AGAP1: variants seen among roughly 807,000 people sequenced by gnomAD.
AGAP1 encodes arf-GAP with GTPase, ANK repeat and PH domain-containing protein 1.
Under a neutral mutation model 105.3 loss-of-function variants are expected in AGAP1, and 29 were observed. The observed-to-expected ratio is 0.28, with a 90% CI of 0.21 to 0.38. The LOEUF (loss-of-function observed/expected upper bound fraction) is 0.38, where lower values mean the gene tolerates loss of function less well. AGAP1 is among the 10% of genes least tolerant of loss of function. The pLI is 1.00. For missense variants in AGAP1, 998 were observed against 1,165.1 expected (o/e 0.86, Z 2.09); for synonymous variants, 509 against 485.9 (o/e 1.05, Z -0.63).
In AGAP1 at chr2:235,714,645, G is replaced by A. The variant is rs147274467; in HGVS notation, c.223-2912G>A. Among the ~76,000 whole-genome samples, 558 of 152,026 alleles carry A rather than the reference G, an allele frequency of 3.7e-3. 2 individuals are homozygous for A. Among genetic ancestry groups the A allele is most frequent in the African/African-American group, 0.013 (536 of 41,466 alleles). On this transcript the variant is annotated intron_variant, in intron 2 of 17. Transcript: ENST00000304032. The surrounding 1 kb of genome is among the most constrained non-coding windows in gnomAD (Gnocchi z 4.1). ...ACTCTGGCTGATGAGTAGAGAGTGG[G>A]AGCGGCCAGGACTGGGTGACAGAGA...
chr2:236,041,802 G>T (rs2057556493), intron 15 of AGAP1, among the ~76,000 whole-genome samples: 1 of 152,216 alleles, frequency 6.6e-6, no homozygotes, highest in South Asian at 2.1e-4. Flanking sequence ...CCAACCTGCT[G>T]ACCATGGAGC....
rs908553658 is a variant in AGAP1, at chr2:235,793,223, G to A, written c.674-4536G>A. 3.3e-5 allele frequency among the ~76,000 whole-genome samples: 5 copies of A among 152,178 alleles called. No individual in the cohort carries two copies. The highest frequency in any genetic ancestry group is 5.9e-5 in the Non-Finnish European group (4 of 68,042). On this transcript the variant is annotated intron_variant, in intron 6 of 17. Transcript: ENST00000304032. This position sits in a 1 kb window ranked among gnomAD's most constrained non-coding sequence, Gnocchi z 5.3. ...TGCAGAGAGCAGGAGAGGCAGAGTC[G>A]AGCAGCATCCCCGGGCTTTCCAGAA...
rs1257275294 is a variant in AGAP1 at position 235,719,671 on chromosome 2, G to A, written c.310+2027G>A. ...AGTGGAAGTAGCTCATCCCCTCCATGGGGCCCCATGCCCAAGGCTTCCTGG... is the reference window on the plus strand; with the variant it reads ...AGTGGAAGTAGCTCATCCCCTCCATAGGGCCCCATGCCCAAGGCTTCCTGG... On this transcript the variant is annotated intron_variant, in intron 3 of 17. Transcript: ENST00000304032. This position sits in a 1 kb window ranked among gnomAD's most constrained non-coding sequence, Gnocchi z 4.9. Among the ~76,000 whole-genome samples the A allele has an allele frequency of 2.0e-5, 3 of 152,166 alleles. No individual in the cohort carries two copies. The highest frequency in any genetic ancestry group is 4.4e-5 in the Non-Finnish European group (3 of 68,026).
rs745742749 is a variant in AGAP1, at chr2:235,578,999, G to A, written c.163+84150G>A. The stretch of plus-strand genomic sequence containing the variant: ...CTAGTCTAAGTCTTAGAAGAATTAA[G>A]GGTTTTCTTATTACTGGCTAAAGTT... On this transcript the variant is annotated intron_variant, in intron 1 of 17. Transcript: ENST00000304032. This position sits in a 1 kb window ranked among gnomAD's most constrained non-coding sequence, Gnocchi z 4.9. Among the ~76,000 whole-genome samples, 14 of 152,004 alleles carry A rather than the reference G, an allele frequency of 9.2e-5. No homozygotes were observed. Among genetic ancestry groups the A allele is most frequent in the Non-Finnish European group, 1.6e-4 (11 of 68,014 alleles).
At chr2:235,880,749 A>C (rs1157102996) in intron 9 of AGAP1, among the ~76,000 whole-genome samples, 4 of 152,076 alleles carry the variant, frequency 2.6e-5, no homozygotes, top group Admixed American at 6.5e-5. Flanking sequence ...CAAAAAAAAA[A>C]AAAACAAAAA....
At chr2:235,839,613 G>T (rs1960569580) in intron 9 of AGAP1, among the ~76,000 whole-genome samples, 1 of 152,148 alleles carries the variant, frequency 6.6e-6, no homozygotes. Context: ...TGTTGGAGGA[G>T]CCAGACTCTA....
Position 235,845,107 on chromosome 2 carries a change from A to G in AGAP1, c.1050+37776A>G, listed in dbSNP as rs1014321276. Among the ~76,000 whole-genome samples, 1 of 152,168 alleles carries G rather than the reference A, an allele frequency of 6.6e-6. No homozygotes were observed. The highest frequency in any genetic ancestry group is 2.1e-4 in the South Asian group (1 of 4,836). On this transcript the variant is annotated intron_variant, in intron 9 of 17. Transcript: ENST00000304032. The surrounding 1 kb of genome is among the most constrained non-coding windows in gnomAD (Gnocchi z 4.8). ...GCAGCCTCCTAACAAGTCCTGTGTCATCCTGTTTAGCCGTTCGCTCAAACA... is the reference window on the plus strand; with the variant it reads ...GCAGCCTCCTAACAAGTCCTGTGTCGTCCTGTTTAGCCGTTCGCTCAAACA...
chr2:236,060,660 A>G (rs919304044), intron 16 of AGAP1, among the ~76,000 whole-genome samples: 1 of 152,076 alleles, frequency 6.6e-6, no homozygotes, highest in Admixed American at 6.6e-5. Flanking sequence ...GCACCACTGC[A>G]CTCCAGCCTG....
rs1206371481 is a variant in AGAP1 at position 235,553,955 on chromosome 2, GC to G, written c.163+59109del. Among the ~76,000 whole-genome samples the G allele has an allele frequency of 6.6e-6, 1 of 152,230 alleles. No individual in the cohort carries two copies. The highest frequency in any genetic ancestry group is 1.5e-5 in the Non-Finnish European group (1 of 68,042). On this transcript the variant is annotated intron_variant, in intron 1 of 17. Transcript: ENST00000304032. The surrounding 1 kb of genome is among the most constrained non-coding windows in gnomAD (Gnocchi z 4.5). ...TGCCAAGACCAGCCCTCTGAGGTCA[GC>G]CCTCCTGGACCCCTTACTGGGTGGA... is the stretch of plus-strand genomic sequence containing the variant.
rs948143564 is a variant in AGAP1 at position 236,012,705 on chromosome 2, G to A, written c.1646-23856G>A. 2.0e-5 allele frequency among the ~76,000 whole-genome samples: 3 copies of A among 152,124 alleles called. No individual in the cohort carries two copies. The highest frequency in any genetic ancestry group is 7.2e-5 in the African/African-American group (3 of 41,416). On this transcript the variant is annotated intron_variant, in intron 13 of 17. Transcript: ENST00000304032. The surrounding 1 kb of genome is among the most constrained non-coding windows in gnomAD (Gnocchi z 4.9). ...AGTCTTCACTTGTGAAAAATTAAAT[G>A]TAGACCCGTATCCTTTAACACCGCA...
intron 13 of AGAP1, among the ~76,000 whole-genome samples, chr2:236,021,974 G>A (rs926112670): frequency 2.3e-4 from 34 of 149,292 alleles, no homozygotes; most frequent in Admixed American, 8.1e-4. Context: ...TGGGAGAAGC[G>A]CTTGAGCCCA....
In AGAP1 at chr2:236,035,378, T is replaced by C. The variant is rs1377921452; in HGVS notation, c.1646-1183T>C. ...GGTCTGGTGCAGTGGCTCACACTTG[T>C]CACTCAGCACTTTGGGAGGCCAAGG... On this transcript the variant is annotated intron_variant, in intron 13 of 17. Coordinates refer to ENST00000304032, the MANE Select transcript of AGAP1 (RefSeq NM_001037131.3). This position sits in a 1 kb window ranked among gnomAD's most constrained non-coding sequence, Gnocchi z 4.2. 6.6e-6 allele frequency among the ~76,000 whole-genome samples: 1 copy of C among 152,156 alleles called. No homozygotes were observed. The highest frequency in any genetic ancestry group is 1.9e-4 in the East Asian group (1 of 5,174).
chr2:235,630,581 G>T (rs72988938), intron 1 of AGAP1, among the ~76,000 whole-genome samples: 1 of 152,066 alleles, frequency 6.6e-6, no homozygotes, highest in Non-Finnish European at 1.5e-5. Context: ...GCATTTTTCC[G>T]TGTCGTGTTG....
chr2:235,681,279 G>C (rs1231902519), intron 1 of AGAP1, among the ~76,000 whole-genome samples: 2 of 152,206 alleles, frequency 1.3e-5, no homozygotes, highest in African/African-American at 4.8e-5. Context: ...AAAGTGCTGG[G>C]ATTACAGGCG....
At chr2:235,924,024 C>A (rs2052322004) in intron 11 of AGAP1, among the ~76,000 whole-genome samples, 1 of 152,084 alleles carries the variant, frequency 6.6e-6, no homozygotes, top group Admixed American at 6.5e-5. Flanking sequence ...CAAGCCTGTC[C>A]AAAGTTTGCC....
intron 1 of AGAP1, among the ~76,000 whole-genome samples, chr2:235,576,471 G>C (rs1944736782): frequency 6.6e-6 from 1 of 152,214 alleles, no homozygotes; most frequent in Non-Finnish European, 1.5e-5. Flanking sequence ...GGCAGGTGGT[G>C]CTTGGGGAAT....
At chr2:236,048,717 C>T (rs1053185533) in intron 15 of AGAP1, among the ~76,000 whole-genome samples, 20 of 152,230 alleles carry the variant, frequency 1.3e-4, no homozygotes, top group Admixed American at 8.5e-4. Flanking sequence ...CCGAGTCACA[C>T]GTGCTTTTTC....
chr2:235,508,737 C>T (rs1393387059), intron 1 of AGAP1, among the ~76,000 whole-genome samples: 2 of 152,194 alleles, frequency 1.3e-5, no homozygotes, highest in East Asian at 3.8e-4. Context: ...TACATTTAAG[C>T]CACACAAATT....
chr2:235,880,755 A>G (rs1575682075), intron 9 of AGAP1, among the ~76,000 whole-genome samples: 2 of 151,294 alleles, frequency 1.3e-5, no homozygotes, highest in Admixed American at 1.3e-4. Flanking sequence ...AAAAAAAAAC[A>G]AAAAAAGAAC....
Sources: gnomAD v4.1 joint callset for allele counts (sites outside exome capture counted in the v4.1 genomes callset) on GRCh38, gnomAD v4.1.1 for gene constraint, Gnocchi (gnomAD v3.1) non-coding constraint, MANE v1.5 for transcripts, NCBI Gene and HGNC (gene_info 2026-07-23, HGNC 2026-07-21) for gene names.